Variants in PKHD1 observed in about 807,000 individuals in gnomAD.
PKHD1 encodes PKHD1 ciliary IPT domain containing fibrocystin/polyductin, also known as fibrocystin.
Under a neutral mutation model 412.0 loss-of-function variants are expected in PKHD1, and 291 were observed. The ratio of observed to expected loss-of-function variants is 0.71; its 90% CI spans 0.64 to 0.78. The LOEUF is 0.78. Among genes scored for constraint, PKHD1 ranks in the 30% least tolerant of loss-of-function variants. PKHD1 has a pLI of 0.00. For synonymous variants in PKHD1, 1,777 were observed against 1,821.5 expected, an observed-to-expected ratio of 0.98 and a Z score of 0.62; for missense variants, 4,825 against 4,950.7, an observed-to-expected ratio of 0.97 and a Z score of 0.76.
At chr6:51,630,881 G>A (rs1025178388) in intron 65 of PKHD1, among the ~76,000 whole-genome samples, 18 of 152,080 alleles carry the variant, frequency 1.2e-4, no homozygotes, top group African/African-American at 4.3e-4. Flanking sequence ...AACATAGTTA[G>A]GAGTCTGTGC....
chr6:51,742,008 A>G (rs1784612859), intron 60 of PKHD1, among the ~76,000 whole-genome samples: 1 of 152,242 alleles, frequency 6.6e-6, no homozygotes, highest in South Asian at 2.1e-4. Flanking sequence ...CATAGCATAA[A>G]TACCTGTAAT....
At position 51,832,537 on chromosome 6, in the gene PKHD1, G is replaced by A. The variant is rs80250564; in HGVS notation, c.8174-1548C>T. ...CAGAGACTTCCAGCACATTAAGACAGAAGTGGATGAATAGTTTGTGCCATA... is the reference window on the plus strand; with the variant it reads ...CAGAGACTTCCAGCACATTAAGACAAAAGTGGATGAATAGTTTGTGCCATA... On this transcript the variant is annotated intron_variant, in intron 51 of 66. Transcript: ENST00000371117. Among the ~76,000 whole-genome samples the A allele has an allele frequency of 1.3e-3, 194 of 152,208 alleles. 3 individuals carry two copies. In the East Asian group the frequency reaches 0.024, roughly 19 times the overall value.
At position 51,886,437 on chromosome 6, in the gene PKHD1, A is replaced by G. The variant is rs113452713; in HGVS notation, c.7110-465T>C. ...TTAATGGCTGGGGAAAATGTGGTGT[A>G]TATTTGCAATGGAATATTATTCAGC... On this transcript the variant is annotated intron_variant, in intron 44 of 66. Coordinates refer to ENST00000371117, the MANE Select transcript of PKHD1 (RefSeq NM_138694.4). Among the ~76,000 whole-genome samples the G allele has an allele frequency of 7.1e-3, 1,079 of 152,348 alleles. 16 individuals carry two copies. The highest frequency in any genetic ancestry group is 0.025 in the African/African-American group (1,031 of 41,580).
At position 51,748,056 on chromosome 6, in the gene PKHD1, GA is replaced by G. The variant is rs797045101; in HGVS notation, c.9559del (p.Ser3187LeufsTer33). 3.1e-6 allele frequency: 5 copies of G among 1,613,950 alleles called. No homozygotes were observed. The highest frequency in any genetic ancestry group is 4.2e-6 in the Non-Finnish European group (5 of 1,179,980). ...TTTTTTGACGGAATTTTGTGGAGCAGAAAATACATACACTACTGCCAAAAGA... is the reference window on the plus strand; with the variant it reads ...TTTTTTGACGGAATTTTGTGGAGCAGAAATACATACACTACTGCCAAAAGA... Reference protein sequence around the residue: ...IGLLAVVYVFSAPQNSVKKVQ... With the variant: ...IGLLAVVYVFXAPQNSVKKVQ... On this transcript the variant is annotated frameshift_variant, in exon 58 of 67. Transcript: ENST00000371117. LOFTEE classifies it high-confidence loss of function.
intron 55 of PKHD1, among the ~76,000 whole-genome samples, chr6:51,761,885 CCT>C (rs1199941907): frequency 2.6e-5 from 4 of 151,880 alleles, no homozygotes; most frequent in African/African-American, 9.7e-5. Flanking sequence ...AGCTCTTCTC[CCT>C]GTTTTCCCCT....
intron 52 of PKHD1, among the ~76,000 whole-genome samples, chr6:51,803,307 T>C (rs931850389): frequency 5.9e-5 from 9 of 151,616 alleles, no homozygotes; most frequent in African/African-American, 2.2e-4. Context: ...CAAGGAGTTC[T>C]TGCTTGGGGT....
intron 35 of PKHD1, among the ~76,000 whole-genome samples, chr6:51,989,649 GTCA>G (rs1306899206): frequency 6.6e-6 from 1 of 151,860 alleles, no homozygotes; most frequent in African/African-American, 2.4e-5. Context: ...TTTCACTCGA[GTCA>G]TCATTATCCT....
intron 50 of PKHD1, among the ~76,000 whole-genome samples, chr6:51,837,375 A>G (rs190197509): frequency 6.6e-6 from 1 of 152,136 alleles, no homozygotes; most frequent in African/African-American, 2.4e-5. Flanking sequence ...CCTTTCCTCC[A>G]TCAGATGAAA....
At chr6:52,013,515 C>T (rs906686844) in intron 34 of PKHD1, among the ~76,000 whole-genome samples, 1 of 152,116 alleles carries the variant, frequency 6.6e-6, no homozygotes, top group African/African-American at 2.4e-5. Flanking sequence ...GCTACTCTTC[C>T]ATGGTTTCTT....
chr6:51,814,965 T>C (rs7738714), intron 52 of PKHD1, among the ~76,000 whole-genome samples: 62,973 of 151,916 alleles, frequency 0.41, 14,680 homozygotes, highest in East Asian at 0.71. Flanking sequence ...GATTCCCAGA[T>C]TGAGTTCTGC....
chr6:51,994,918 G>T (rs1224555619), intron 35 of PKHD1, among the ~76,000 whole-genome samples: 2 of 152,094 alleles, frequency 1.3e-5, no homozygotes, highest in African/African-American at 4.8e-5. Context: ...CAAGCACACA[G>T]GTAGGTAACA....
intron 35 of PKHD1, among the ~76,000 whole-genome samples, chr6:51,985,621 C>A (rs1011684090): frequency 2.0e-5 from 3 of 151,978 alleles, no homozygotes; most frequent in Non-Finnish European, 4.4e-5. Context: ...CCCAGCTACT[C>A]GGGAGGCTGA....
intron 60 of PKHD1, among the ~76,000 whole-genome samples, chr6:51,664,374 CGA>C (rs910500580): frequency 1.3e-5 from 2 of 152,120 alleles, no homozygotes; most frequent in African/African-American, 4.8e-5. Context: ...GGTTGGAGCC[CGA>C]GAGGGCACAA....
chr6:51,908,147 G>T (rs1052724721), intron 40 of PKHD1, among the ~76,000 whole-genome samples: 1 of 152,194 alleles, frequency 6.6e-6, no homozygotes, highest in East Asian at 1.9e-4. Flanking sequence ...AAGCACTAGC[G>T]GAGAGGCCAT....
rs1785514970 is a variant in PKHD1 at position 51,748,331 on chromosome 6, A to T, written c.9285T>A (p.Val3095=). ...QVKDINLHGN[V]VAGSERLGFH... ...AGCCAAGTCTCTCTGATCCTGCCAC[A>T]ACGTTGCCATGGAGGTTGATGTCCT... is the stretch of plus-strand genomic sequence containing the variant. Residue 3095 remains valine, a synonymous_variant, in exon 58 of 67, where the codon GTT becomes GTA. Transcript: ENST00000371117. The T allele has an allele frequency of 1.2e-6, 2 of 1,614,030 alleles. No homozygotes were observed. Among genetic ancestry groups the T allele is most frequent in the Non-Finnish European group, 1.7e-6 (2 of 1,179,968 alleles).
intron 51 of PKHD1, among the ~76,000 whole-genome samples, chr6:51,833,686 A>G (rs1768670016): frequency 6.6e-6 from 1 of 152,128 alleles, no homozygotes; most frequent in Non-Finnish European, 1.5e-5. Flanking sequence ...CTTAGCAATC[A>G]AGGCATGGGT....
At chr6:51,893,395 A>G (rs1231339287) in intron 43 of PKHD1, among the ~76,000 whole-genome samples, 4 of 152,098 alleles carry the variant, frequency 2.6e-5, no homozygotes, top group Admixed American at 6.5e-5. Flanking sequence ...ACATATAAAC[A>G]CTTTCCAAGC....
intron 52 of PKHD1, among the ~76,000 whole-genome samples, chr6:51,813,262 T>C (rs1277728646): frequency 2.0e-5 from 3 of 152,216 alleles, no homozygotes; most frequent in Non-Finnish European, 2.9e-5. Context: ...GTGTCAAACA[T>C]GGTGCCAATG....
chr6:51,822,331 G>A (rs1425614344), intron 52 of PKHD1, among the ~76,000 whole-genome samples: 2 of 152,148 alleles, frequency 1.3e-5, no homozygotes, highest in East Asian at 3.9e-4. Flanking sequence ...TTATTCTCAA[G>A]CAATTTCCAA....
Sources: allele counts gnomAD v4.1 joint callset (sites outside exome capture counted in the v4.1 genomes callset), GRCh38; gene constraint gnomAD v4.1.1; transcripts MANE v1.5; gene names NCBI Gene and HGNC (gene_info 2026-07-23, HGNC 2026-07-21).